The following LGMN variants were observed in gnomAD, a reference collection of about 807,000 sequenced individuals.
LGMN encodes asparaginyl endopeptidase.
LGMN carries 36 observed loss-of-function variants against 56.8 expected under a neutral mutation model. The observed-to-expected ratio is 0.63, with a 90% CI of 0.49 to 0.84. The LOEUF is 0.84. Ranked by LOEUF, LGMN falls within the 40% of genes least tolerant of loss-of-function variation. The pLI, the probability that LGMN is intolerant of heterozygous loss-of-function variation, is 0.00. For synonymous variants in LGMN, 199 were observed against 210.1 expected (o/e 0.95, Z 0.46); for missense variants, 446 against 556.1 (o/e 0.80, Z 1.99).
Position 92,734,159 on chromosome 14 carries a change from A to C in LGMN, c.-29-1344T>G, listed in dbSNP as rs149430108. Among the ~76,000 whole-genome samples the C allele has an allele frequency of 5.4e-3, 820 of 152,330 alleles. 9 individuals carry two copies. The highest frequency in any genetic ancestry group is 0.019 in the African/African-American group (786 of 41,576). ...TGGACATACCATCTGTACAACATGCAGGGCAAACATTTTCATCCTTGTTTT... is the reference window on the plus strand; with the variant it reads ...TGGACATACCATCTGTACAACATGCCGGGCAAACATTTTCATCCTTGTTTT... On this transcript the variant is annotated intron_variant, in intron 1 of 13. Coordinates refer to ENST00000334869, the MANE Select transcript of LGMN (RefSeq NM_005606.7).
chr14:92,728,339 C>G (rs1467081004), intron 2 of LGMN, among the ~76,000 whole-genome samples: 1 of 152,172 alleles, frequency 6.6e-6, no homozygotes, highest in African/African-American at 2.4e-5. Flanking sequence ...GAATTGGCAT[C>G]GGTGACCTGA....
intron 1 of LGMN, chr14:92,741,754 T>A (rs1471852903): frequency 1.3e-5 from 2 of 152,170 alleles, no homozygotes; most frequent in African/African-American, 4.8e-5. Context: ...TCCCAGCTAC[T>A]CGGGAGGCTG....
chr14:92,722,861 T>A (rs957009335), intron 2 of LGMN, among the ~76,000 whole-genome samples: 2 of 152,152 alleles, frequency 1.3e-5, no homozygotes, highest in Non-Finnish European at 2.9e-5. Flanking sequence ...TCACCCATCA[T>A]TAAGAAATGC....
chr14:92,705,982 CCA>C (rs1386188724), intron 12 of LGMN, among the ~76,000 whole-genome samples: 1 of 152,130 alleles, frequency 6.6e-6, no homozygotes, highest in African/African-American at 2.4e-5. Flanking sequence ...GACCTGTAGG[CCA>C]GTTTGCCAAC....
rs1327211902 is a variant in LGMN at position 92,716,218 on chromosome 14, C to CA, written c.321dup (p.Val108CysfsTer40). 1 of 1,611,374 alleles carries CA rather than the reference C, an allele frequency of 6.2e-7. No individual in the cohort carries two copies. Among genetic ancestry groups the CA allele is most frequent in the Non-Finnish European group, 8.5e-7 (1 of 1,177,696 alleles). On this transcript the variant is annotated frameshift_variant, in exon 5 of 14. Transcript: ENST00000334869. LOFTEE classifies it high-confidence loss of function. The stretch of plus-strand genomic sequence containing the variant: ...ACAGCAAGGAAATTTTGTGGGGTAA[C>CA]ATCCTACAAAGAATTAGGAGCCACA...
chr14:92,730,572 A>C (rs1241427625), intron 2 of LGMN, among the ~76,000 whole-genome samples: 1 of 152,328 alleles, frequency 6.6e-6, no homozygotes, highest in Non-Finnish European at 1.5e-5. Context: ...GACTACAAGC[A>C]TGCTGGCTGG....
chr14:92,732,537 A>G, intron 2 of LGMN, 112 bp downstream of exon 2: 1 of 1,215,546 alleles, frequency 8.2e-7, no homozygotes, highest in Non-Finnish European at 1.2e-6. Flanking sequence ...CAGCCAGCCT[A>G]ACAGGTCCGT....
chr14:92,736,549 T>C (rs1366218630), intron 1 of LGMN, among the ~76,000 whole-genome samples: 2 of 152,170 alleles, frequency 1.3e-5, no homozygotes, highest in African/African-American at 4.8e-5. Context: ...TTAGCCAAGA[T>C]TGTGCCACTG....
intron 8 of LGMN, 122 bp from the exon 9 acceptor site, chr14:92,712,077 G>T: frequency 4.0e-6 from 3 of 744,866 alleles, no homozygotes; most frequent in Non-Finnish European, 7.0e-6. Context: ...ATCCACACAG[G>T]AGGGCAGGGA....
chr14:92,728,820 C>T (rs1047504402), intron 2 of LGMN, among the ~76,000 whole-genome samples: 5 of 152,170 alleles, frequency 3.3e-5, no homozygotes, highest in African/African-American at 4.8e-5. Context: ...GATAAGTTAC[C>T]CAGCCTTTCT....
chr14:92,723,484 A>G (rs1890586800), intron 2 of LGMN, among the ~76,000 whole-genome samples: 1 of 152,238 alleles, frequency 6.6e-6, no homozygotes, highest in South Asian at 2.1e-4. Context: ...CAACTGGTAA[A>G]TGGGCAGGCA....
At chr14:92,724,581 A>G (rs983321787) in intron 2 of LGMN, among the ~76,000 whole-genome samples, 10 of 152,226 alleles carry the variant, frequency 6.6e-5, no homozygotes, top group African/African-American at 2.4e-4. Context: ...TTTTCCCCGC[A>G]TAAGCCCAGA....
intron 2 of LGMN, among the ~76,000 whole-genome samples, chr14:92,726,181 G>C (rs530917897): frequency 6.6e-6 from 1 of 151,430 alleles, no homozygotes; most frequent in African/African-American, 2.4e-5. Context: ...AGACTGCAGT[G>C]AGCTGAGATC....
intron 2 of LGMN, among the ~76,000 whole-genome samples, chr14:92,719,248 ACCAC>A: frequency 4.4e-5 from 1 of 22,518 alleles, no homozygotes; most frequent in African/African-American, 1.8e-4. Flanking sequence ...CACCACCGCC[ACCAC>A]CACCACCGCC....
At chr14:92,723,050 T>TC (rs796833896) in intron 2 of LGMN, among the ~76,000 whole-genome samples, 3 of 136,376 alleles carry the variant, frequency 2.2e-5, no homozygotes, top group African/African-American at 9.4e-5. Flanking sequence ...CAAGTCTAAA[T>TC]TTTTTTTTTT....
intron 11 of LGMN, among the ~76,000 whole-genome samples, chr14:92,707,095 A>C (rs1595524522): frequency 6.6e-6 from 1 of 152,100 alleles, no homozygotes; most frequent in Non-Finnish European, 1.5e-5. Flanking sequence ...ATGCTTCTAC[A>C]CTACCCTCAC....
chr14:92,709,036 A>G (rs1445472821), intron 11 of LGMN, among the ~76,000 whole-genome samples: 4 of 152,178 alleles, frequency 2.6e-5, no homozygotes, highest in African/African-American at 9.7e-5. Flanking sequence ...TTACATAGCA[A>G]TTCTGCCAGC....
chr14:92,731,961 C>T (rs1891068901), intron 2 of LGMN, among the ~76,000 whole-genome samples: 1 of 152,204 alleles, frequency 6.6e-6, no homozygotes, highest in Non-Finnish European at 1.5e-5. Flanking sequence ...TTTTCTTCTT[C>T]TCTCTACCTT....
At chr14:92,718,079 G>A (rs1890161942) in intron 3 of LGMN, among the ~76,000 whole-genome samples, 1 of 152,190 alleles carries the variant, frequency 6.6e-6, no homozygotes, top group Admixed American at 6.5e-5. Context: ...GGTAGTAGGA[G>A]TATCTAACCT....
Sources: gnomAD v4.1 joint callset for allele counts (sites outside exome capture counted in the v4.1 genomes callset) on GRCh38, gnomAD v4.1.1 for gene constraint, MANE v1.5 for transcripts, NCBI Gene and HGNC (gene_info 2026-07-23, HGNC 2026-07-21) for gene names.